Variants in CTNNA2 observed in about 807,000 individuals in gnomAD.
CTNNA2 encodes the protein catenin alpha 2, also known as catenin alpha-2.
CTNNA2 carries 42 observed loss-of-function variants against 101.0 expected under a neutral mutation model. That is an observed-to-expected ratio of 0.42 (90% CI 0.32 to 0.54). The LOEUF (loss-of-function observed/expected upper bound fraction) is 0.54, where lower values mean the gene tolerates loss of function less well. Ranked by LOEUF, CTNNA2 falls within the 20% of genes least tolerant of loss-of-function variation. The pLI, the probability that CTNNA2 is intolerant of heterozygous loss-of-function variation, is 0.14. For synonymous variants in CTNNA2, 450 were observed against 456.4 expected (o/e 0.99, Z 0.18); for missense variants, 871 against 1,223.1 (o/e 0.71, Z 4.29).
intron 3 of CTNNA2, among the ~76,000 whole-genome samples, chr2:79,332,662 G>A (rs1356619153): frequency 6.6e-6 from 1 of 152,168 alleles, no homozygotes; most frequent in East Asian, 1.9e-4. Context: ...AACAATTAGA[G>A]TGTTGTATTT....
At chr2:80,099,211 CT>C (rs986150737) in intron 7 of CTNNA2, among the ~76,000 whole-genome samples, 4 of 152,016 alleles carry the variant, frequency 2.6e-5, no homozygotes, top group African/African-American at 9.7e-5. Context: ...AGAATAAGTC[CT>C]GACTAATTTA....
chr2:79,466,533 G>T (rs181634979), intron 4 of CTNNA2, among the ~76,000 whole-genome samples: 3 of 152,274 alleles, frequency 2.0e-5, no homozygotes, highest in African/African-American at 7.2e-5. Context: ...GAGAGTAGTG[G>T]TTCTCCCAGC....
At chr2:79,645,878 A>C (rs3795994) in intron 1 of CTNNA2, among the ~76,000 whole-genome samples, 106,785 of 152,140 alleles carry the variant, frequency 0.7, 38,935 homozygotes, top group African/African-American at 0.91. Context: ...CCACAGCTCT[A>C]TGATAATGAC....
In CTNNA2 at chr2:79,727,745, G is replaced by A. The variant is rs867685102; in HGVS notation, c.103-16642G>A. ...CTCCCCCCTCCCCCCACCCCACAAC[G>A]GTCCCCAGAGTGTGATGTTCCCCTT... On this transcript the variant is annotated intron_variant, in intron 2 of 18. Transcript: ENST00000402739. Among the ~76,000 whole-genome samples the A allele has an allele frequency of 5.5e-4, 56 of 102,212 alleles. 1 individual carries two copies. The highest frequency in any genetic ancestry group is 5.0e-3 in the Admixed American group (32 of 6,398). 67.1% of individuals were successfully genotyped at this position (102,212 alleles called of 152,430 possible). A position where few individuals can be genotyped will look rare whatever the true frequency, so the allele number is the denominator to read the frequency against.
At chr2:79,476,428 C>A (rs984206553) in intron 4 of CTNNA2, among the ~76,000 whole-genome samples, 3 of 152,182 alleles carry the variant, frequency 2.0e-5, no homozygotes, top group Admixed American at 1.3e-4. Context: ...TTCTAAGAAC[C>A]ATTAACCTAT....
chr2:79,680,578 T>C (rs1683496590), intron 2 of CTNNA2, among the ~76,000 whole-genome samples: 1 of 152,224 alleles, frequency 6.6e-6, no homozygotes, highest in South Asian at 2.1e-4. Context: ...ACCTTCTCAC[T>C]GGAGCCTCTT....
chr2:79,715,153 G>A (rs796122808), intron 2 of CTNNA2, among the ~76,000 whole-genome samples: 7 of 141,750 alleles, frequency 4.9e-5, no homozygotes, highest in African/African-American at 1.9e-4. Flanking sequence ...GTTGCAGTGA[G>A]CGAAGATCAT....
Position 80,302,659 on chromosome 2 carries a change from AG to A in CTNNA2, c.1057-90547del. The A allele has an allele frequency of 6.2e-7, 1 of 1,609,952 alleles. No homozygotes were observed. On this transcript the variant is annotated intron_variant, in intron 7 of 18. Coordinates refer to ENST00000402739, the MANE Select transcript of CTNNA2 (RefSeq NM_001282597.3). The surrounding 1 kb of genome is among the most constrained non-coding windows in gnomAD (Gnocchi z 6.4). ...CCGCGAGCGTGGTGGCCGAGCTGGC[AG>A]GGGGCCCCAGATCACTGCGGTTGGT... is the stretch of plus-strand genomic sequence containing the variant.
At chr2:80,612,317 AAT>A (rs1698533142) in intron 17 of CTNNA2, among the ~76,000 whole-genome samples, 1 of 151,534 alleles carries the variant, frequency 6.6e-6, no homozygotes, top group Non-Finnish European at 1.5e-5. Context: ...AATCAACATG[AAT>A]ATTCATGATA....
intron 3 of CTNNA2, among the ~76,000 whole-genome samples, chr2:79,352,810 A>G (rs1260904988): frequency 6.6e-6 from 1 of 152,204 alleles, no homozygotes; most frequent in Non-Finnish European, 1.5e-5. Context: ...AGACTGGGTA[A>G]CTTATAAAGA....
At chr2:79,670,142 C>T (rs1361112431) in intron 2 of CTNNA2, among the ~76,000 whole-genome samples, 1 of 152,270 alleles carries the variant, frequency 6.6e-6, no homozygotes, top group East Asian at 1.9e-4. Context: ...CACAGCTGCA[C>T]CCGGGAGCTC....
At chr2:79,390,105 G>A (rs1678156259) in intron 4 of CTNNA2, among the ~76,000 whole-genome samples, 1 of 151,984 alleles carries the variant, frequency 6.6e-6, no homozygotes, top group Admixed American at 6.6e-5. Context: ...TCTTCACATT[G>A]ACAGGGACCC....
chr2:80,596,720 C>T (rs1697020560), intron 15 of CTNNA2, among the ~76,000 whole-genome samples: 5 of 151,896 alleles, frequency 3.3e-5, no homozygotes, highest in Admixed American at 2.0e-4. Flanking sequence ...GCCTGATTGC[C>T]CTGGCCAGAA....
At chr2:79,810,140 T>A (rs539960348) in intron 3 of CTNNA2, among the ~76,000 whole-genome samples, 1 of 152,248 alleles carries the variant, frequency 6.6e-6, no homozygotes, top group Admixed American at 6.5e-5. Flanking sequence ...TTAGAGACTA[T>A]CTGTGTTAGT....
At chr2:79,644,704 A>C (rs114191332) in intron 1 of CTNNA2, among the ~76,000 whole-genome samples, 1,748 of 152,288 alleles carry the variant, frequency 0.011, 49 homozygotes, top group African/African-American at 0.039. Flanking sequence ...GCCACATTGC[A>C]CATGAGCCCC....
intron 7 of CTNNA2, among the ~76,000 whole-genome samples, chr2:79,949,760 A>G (rs1038998789): frequency 6.6e-6 from 1 of 152,140 alleles, no homozygotes; most frequent in Non-Finnish European, 1.5e-5. Flanking sequence ...CCTGGGTGAA[A>G]GAGTGAAAGC....
chr2:80,018,102 C>T lies in CTNNA2; in HGVS notation c.1056+108305C>T, dbSNP rs574847275. Reference sequence around the variant, plus strand: ...TTAAGGAGATGGAATTTGAAAATACCTGAGAATGTTATGGAATGTTACAGA... The same window carrying T: ...TTAAGGAGATGGAATTTGAAAATACTTGAGAATGTTATGGAATGTTACAGA... On this transcript the variant is annotated intron_variant, in intron 7 of 18. Transcript: ENST00000402739. Among the ~76,000 whole-genome samples the T allele has an allele frequency of 2.0e-3, 310 of 151,998 alleles. 1 individual carries two copies. Among genetic ancestry groups the T allele is most frequent in the Non-Finnish European group, 2.6e-3 (177 of 67,986 alleles).
chr2:80,048,918 C>T (rs1047966714), intron 7 of CTNNA2, among the ~76,000 whole-genome samples: 2 of 151,924 alleles, frequency 1.3e-5, no homozygotes, highest in Non-Finnish European at 2.9e-5. Flanking sequence ...GGCCAGTGGT[C>T]AGTGATGGTA....
chr2:79,674,786 C>T (rs2104604647), intron 2 of CTNNA2, among the ~76,000 whole-genome samples: 1 of 152,284 alleles, frequency 6.6e-6, no homozygotes, highest in East Asian at 1.9e-4. Flanking sequence ...TTGTTATTGG[C>T]AACCAAAACC....
Sources: allele counts gnomAD v4.1 joint callset (sites outside exome capture counted in the v4.1 genomes callset), GRCh38; gene constraint gnomAD v4.1.1; non-coding constraint Gnocchi (gnomAD v3.1); transcripts MANE v1.5; gene names NCBI Gene and HGNC (gene_info 2026-07-23, HGNC 2026-07-21).